The following TFB1M variants were observed in gnomAD, a reference collection of about 807,000 sequenced individuals.
TFB1M encodes transcription factor B1, mitochondrial.
In TFB1M, 27 loss-of-function variants were observed where a neutral mutation model predicts 31.1. The ratio of observed to expected loss-of-function variants is 0.87; its 90% confidence interval spans 0.64 to 1.20. TFB1M has a LOEUF of 1.20. Ranked by LOEUF, TFB1M falls within the 50% of genes most tolerant of loss-of-function variation. TFB1M has a pLI of 0.00. For synonymous variants in TFB1M, 166 were observed against 151.8 expected, an observed-to-expected ratio of 1.09 and a Z score of -0.69; for missense variants, 394 against 418.7, an observed-to-expected ratio of 0.94 and a Z score of 0.51.
downstream of TFB1M, chr6:155,253,323 A>G (rs1783787181): frequency 7.1e-6 from 3 of 425,054 alleles, no homozygotes; most frequent in Admixed American, 3.8e-5. Context: ...TTCTGCCTTG[A>G]TACCCTAAAA....
At chr6:155,272,758 C>T (rs1275777909) in intron 5 of TFB1M, among the ~76,000 whole-genome samples, 1 of 152,122 alleles carries the variant, frequency 6.6e-6, no homozygotes, top group East Asian at 1.9e-4. Flanking sequence ...CAACAGTAAG[C>T]AAGCACTATG....
chr6:155,310,383 C>T (rs558727457), intron 2 of TFB1M, among the ~76,000 whole-genome samples: 1 of 152,208 alleles, frequency 6.6e-6, no homozygotes, highest in South Asian at 2.1e-4. Context: ...TCACTGTTTG[C>T]CAGCGTTTTA....
In TFB1M at chr6:155,256,971, G is replaced by A. The variant is rs534130917; in HGVS notation, c.*865C>T. 8 of 1,614,142 alleles carry A rather than the reference G, an allele frequency of 5.0e-6. No homozygotes were observed. Among genetic ancestry groups the A allele is most frequent in the African/African-American group, 2.7e-5 (2 of 75,032 alleles). ...GGGACAGAGGAACTTTGCTCAAGGC[G>A]CAGATCCGTCACCAGTCCCTTGACA... On this transcript the variant is annotated 3_prime_UTR_variant, in exon 7 of 7. Coordinates refer to ENST00000367166, the MANE Select transcript of TFB1M (RefSeq NM_016020.4).
chr6:155,254,301 GTGGCTGGC>G, downstream of TFB1M: 13 of 1,370,496 alleles, frequency 9.5e-6, no homozygotes, highest in Non-Finnish European at 1.3e-5. Flanking sequence ...CTGCTGCTGG[GTGGCTGGC>G]TGGCAGCCTG....
chr6:155,251,949 T>C (rs1783685249), downstream of TFB1M: 5 of 1,604,094 alleles, frequency 3.1e-6, no homozygotes, highest in East Asian at 6.7e-5. Context: ...CTTTAGTTTT[T>C]AAGAGAGCCG....
intron 5 of TFB1M, chr6:155,264,000 A>G (rs1210528831): frequency 6.6e-6 from 1 of 152,162 alleles, no homozygotes; most frequent in Admixed American, 6.5e-5. Context: ...AGAACAACAT[A>G]TAAGAAGGAT....
At chr6:155,249,774 C>T in the TFB1M span, 1 of 1,243,624 alleles carries the variant, frequency 8.0e-7, no homozygotes, top group South Asian at 1.4e-5. Context: ...TGAATCTTGA[C>T]TCCATTCATT....
the TFB1M span, among the ~76,000 whole-genome samples, chr6:155,243,145 A>G: frequency 1.3e-5 from 2 of 152,192 alleles, no homozygotes; most frequent in Non-Finnish European, 2.9e-5. Context: ...AAGACAGCCA[A>G]ATATGGCTTA....
rs143599677 is a variant in TFB1M at position 155,256,766 on chromosome 6, C to T, written c.*1070G>A. ...CGTCAGACTGTGAAGCAGGGCAGCCCTACTAAAGACATCGAAATTCAGTTC... is the reference window on the plus strand; with the variant it reads ...CGTCAGACTGTGAAGCAGGGCAGCCTTACTAAAGACATCGAAATTCAGTTC... On this transcript the variant is annotated 3_prime_UTR_variant, in exon 7 of 7. Coordinates refer to ENST00000367166, the MANE Select transcript of TFB1M (RefSeq NM_016020.4). The T allele has an allele frequency of 3.5e-4, 559 of 1,614,086 alleles. No individual in the cohort carries two copies. The highest frequency in any genetic ancestry group is 4.6e-4 in the Non-Finnish European group (542 of 1,180,036).
chr6:155,241,775 G>A, the TFB1M span, among the ~76,000 whole-genome samples: 1 of 152,172 alleles, frequency 6.6e-6, no homozygotes, highest in Non-Finnish European at 1.5e-5. Context: ...AGGGTGTGGA[G>A]ATGAAGTGAA....
chr6:155,307,703 T>C (rs1176563348), intron 2 of TFB1M, among the ~76,000 whole-genome samples: 1 of 152,174 alleles, frequency 6.6e-6, no homozygotes, highest in African/African-American at 2.4e-5. Context: ...AAAACAGTGC[T>C]GTGCAATTGC....
intron 5 of TFB1M, 55 bp downstream of exon 5, chr6:155,285,103 C>G (rs989259132): frequency 2.7e-5 from 43 of 1,608,450 alleles, no homozygotes; most frequent in Non-Finnish European, 3.3e-5. Context: ...GACACATCCT[C>G]AGGGGAACAA....
At chr6:155,243,454 A>G in the TFB1M span, among the ~76,000 whole-genome samples, 2 of 152,200 alleles carry the variant, frequency 1.3e-5, no homozygotes, top group Non-Finnish European at 2.9e-5. Context: ...AGCAGAGGGA[A>G]TGATCGAGCT....
chr6:155,241,882 C>T, the TFB1M span, among the ~76,000 whole-genome samples: 1 of 152,220 alleles, frequency 6.6e-6, no homozygotes. Flanking sequence ...TTGGAAGCTT[C>T]AGAGCCCTTC....
intron 5 of TFB1M, chr6:155,260,662 AAC>A (rs1396077163): frequency 1.7e-5 from 9 of 514,884 alleles, no homozygotes; most frequent in African/African-American, 1.2e-4. Context: ...TTAATTTTAA[AAC>A]ACAGTTTCAC....
Position 155,289,742 on chromosome 6 carries a change from G to A in TFB1M, c.547-4465C>T, listed in dbSNP as rs78463569. 2.2e-3 allele frequency among the ~76,000 whole-genome samples: 333 copies of A among 152,316 alleles called. 7 individuals are homozygous for A. The East Asian group carries it at 0.043, about 19-fold the overall frequency. On this transcript the variant is annotated intron_variant, in intron 4 of 6. Transcript: ENST00000367166. ...AAAATGCTGCTATATGAAATGGTGC[G>A]AATTACTGTCCCTGCCCAAATCTCG...
intron 5 of TFB1M, among the ~76,000 whole-genome samples, chr6:155,284,322 G>A (rs148174787): frequency 1.3e-4 from 20 of 152,256 alleles, no homozygotes; most frequent in African/African-American, 3.9e-4. Flanking sequence ...TGTTATTTAT[G>A]AAGGATACAT....
Position 155,257,867 on chromosome 6 carries a change from TCTTTTTCTTCATTTTTG to T in TFB1M, c.993_1009del (p.Ser331ArgfsTer4), listed in dbSNP as rs1254342294. 1.1e-5 allele frequency: 18 copies of T among 1,614,220 alleles called. No homozygotes were observed. Among genetic ancestry groups the T allele is most frequent in the Non-Finnish European group, 1.5e-5 (18 of 1,180,036 alleles). On this transcript the variant is annotated frameshift_variant, in exon 7 of 7. Coordinates refer to ENST00000367166, the MANE Select transcript of TFB1M (RefSeq NM_016020.4). LOFTEE classifies it low-confidence loss of function (END_TRUNC). ...TCTGTAATTCTCTGCGTCATCCTCTTCTTTTTCTTCATTTTTGCTTTTTCTTCGCTTGAGTTCTTCTC... is the reference window on the plus strand; with the variant it reads ...TCTGTAATTCTCTGCGTCATCCTCTTCTTTTTCTTCGCTTGAGTTCTTCTC...
the TFB1M span, among the ~76,000 whole-genome samples, chr6:155,235,685 A>C: frequency 6.6e-6 from 1 of 152,262 alleles, no homozygotes; most frequent in East Asian, 1.9e-4. Flanking sequence ...CTAAAATGTT[A>C]AGTGTACAAA....
Sources: allele counts gnomAD v4.1 joint callset (sites outside exome capture counted in the v4.1 genomes callset), GRCh38; gene constraint gnomAD v4.1.1; transcripts MANE v1.5; gene names NCBI Gene and HGNC (gene_info 2026-07-23, HGNC 2026-07-21).